Variants in NBPF3 observed in about 807,000 individuals in gnomAD.
NBPF3 encodes the protein NBPF family member NBPF3.
Under a neutral mutation model 78.1 loss-of-function variants are expected in NBPF3, and 57 were observed. The observed-to-expected ratio is 0.73, with a 90% CI of 0.59 to 0.91. NBPF3 has a LOEUF of 0.91. Among genes scored for constraint, NBPF3 ranks in the 40% least tolerant of loss-of-function variants. The pLI, the probability that NBPF3 is intolerant of heterozygous loss-of-function variation, is 0.00. For synonymous variants in NBPF3, 182 were observed against 271.7 expected, an observed-to-expected ratio of 0.67 and a Z score of 3.25; for missense variants, 510 against 715.3, an observed-to-expected ratio of 0.71 and a Z score of 3.27.
chr1:21,441,923 A>G (rs1640676626), intron 1 of NBPF3, among the ~76,000 whole-genome samples: 1 of 152,202 alleles, frequency 6.6e-6, no homozygotes, highest in South Asian at 2.1e-4. Flanking sequence ...ATCCTCGCTG[A>G]TGCCTGTCAG....
At chr1:21,455,476 TA>T (rs1377842511) in intron 2 of NBPF3, among the ~76,000 whole-genome samples, 1 of 152,252 alleles carries the variant, frequency 6.6e-6, no homozygotes, top group Non-Finnish European at 1.5e-5. Flanking sequence ...CATATCAGAC[TA>T]ACCCTGCCTC....
intron 7 of NBPF3, among the ~76,000 whole-genome samples, chr1:21,473,823 G>A (rs1320040738): frequency 6.6e-6 from 1 of 152,222 alleles, no homozygotes. Context: ...CTGAGTGCAG[G>A]AGGTACACAG....
intron 12 of NBPF3, 78 bp from the exon 13 acceptor site, chr1:21,481,519 G>A: frequency 6.8e-7 from 1 of 1,472,248 alleles, no homozygotes; most frequent in Admixed American, 2.2e-5. Context: ...ACTTCCTAAT[G>A]CTACCCATGA....
At chr1:21,456,842 G>A (rs993203967) in intron 2 of NBPF3, among the ~76,000 whole-genome samples, 2 of 152,112 alleles carry the variant, frequency 1.3e-5, no homozygotes. Context: ...TTTCAATTCA[G>A]CATTATACTA....
At chr1:21,464,490 G>T (rs1367011580) in intron 2 of NBPF3, among the ~76,000 whole-genome samples, 1 of 152,040 alleles carries the variant, frequency 6.6e-6, no homozygotes, top group Non-Finnish European at 1.5e-5. Context: ...ATAGGTACAG[G>T]CATGCTTTTT....
At chr1:21,469,081 T>C (rs1275416157) in intron 3 of NBPF3, among the ~76,000 whole-genome samples, 184 bp downstream of exon 3, 1 of 152,152 alleles carries the variant, frequency 6.6e-6, no homozygotes, top group East Asian at 1.9e-4. Context: ...TTAGCAACTT[T>C]CCATGTTTGC....
intron 14 of NBPF3, 39 bp from the exon 15 acceptor site, chr1:21,483,104 T>A (rs758860448): frequency 6.5e-5 from 105 of 1,611,882 alleles, no homozygotes; most frequent in Non-Finnish European, 8.1e-5. Flanking sequence ...GGTGTCTGAT[T>A]TTCCCTGGCT....
chr1:21,469,753 G>A (rs1642482967), intron 3 of NBPF3, among the ~76,000 whole-genome samples: 1 of 152,106 alleles, frequency 6.6e-6, no homozygotes, highest in African/African-American at 2.4e-5. Context: ...CGGTGAGAGG[G>A]AAGTCCTGCT....
upstream of NBPF3, among the ~76,000 whole-genome samples, chr1:21,438,570 T>C (rs988533295): frequency 1.3e-5 from 2 of 152,262 alleles, no homozygotes; most frequent in African/African-American, 4.8e-5. Context: ...TGGAACATGC[T>C]AAGTGCTCAC....
chr1:21,479,129 T>C (rs16831226), intron 9 of NBPF3, among the ~76,000 whole-genome samples: 102 of 152,334 alleles, frequency 6.7e-4, no homozygotes, highest in African/African-American at 2.3e-3. Context: ...ACTGGGAAGA[T>C]CACATTCCAA....
chr1:21,447,275 G>A (rs141597988), intron 2 of NBPF3, among the ~76,000 whole-genome samples: 4 of 152,242 alleles, frequency 2.6e-5, no homozygotes, highest in South Asian at 4.2e-4. Flanking sequence ...ATCCCCTAAA[G>A]TCCATAGTTT....
At chr1:21,456,775 G>A (rs1294409187) in intron 2 of NBPF3, among the ~76,000 whole-genome samples, 1 of 152,094 alleles carries the variant, frequency 6.6e-6, no homozygotes. Flanking sequence ...TAAATGGCAT[G>A]GGATTGAATG....
At position 21,460,659 on chromosome 1, in the gene NBPF3, A is replaced by G. The variant is rs949681328; in HGVS notation, c.134-8029A>G. ...TGAAAGTTAAAATTAGAAACCTTGT[A>G]AAGGAAAAATAGGAACTAATTTCGT... On this transcript the variant is annotated intron_variant, in intron 2 of 14. Coordinates refer to ENST00000318249, the MANE Select transcript of NBPF3 (RefSeq NM_032264.6). The surrounding 1 kb of genome is among the most constrained non-coding windows in gnomAD (Gnocchi z 4.2). Among the ~76,000 whole-genome samples, 4 of 152,248 alleles carry G rather than the reference A, an allele frequency of 2.6e-5. No individual in the cohort carries two copies. Among genetic ancestry groups the G allele is most frequent in the African/African-American group, 9.6e-5 (4 of 41,462 alleles).
At chr1:21,473,224 G>C (rs930202781) in intron 6 of NBPF3, among the ~76,000 whole-genome samples, 156 bp from the exon 7 acceptor site, 6 of 152,344 alleles carry the variant, frequency 3.9e-5, no homozygotes, top group African/African-American at 1.4e-4. Context: ...CTGTTGCAGA[G>C]AGAAGAGGAT....
chr1:21,446,445 A>ATTTCCTTCCTTC (rs1640974478), intron 2 of NBPF3: 3 of 100,242 alleles, frequency 3.0e-5, no homozygotes, highest in Admixed American at 1.1e-4. Context: ...AAATTTGTTC[A>ATTTCCTTCCTTC]TTTCCTTCCT....
intron 2 of NBPF3, among the ~76,000 whole-genome samples, chr1:21,461,544 T>C (rs1480687729): frequency 6.6e-6 from 1 of 152,220 alleles, no homozygotes; most frequent in Middle Eastern, 3.2e-3. Context: ...CGATCTCGGC[T>C]CTGCCTCCCA....
intron 2 of NBPF3, among the ~76,000 whole-genome samples, chr1:21,448,300 G>C (rs995254018): frequency 4.6e-5 from 7 of 152,016 alleles, no homozygotes; most frequent in Non-Finnish European, 7.4e-5. Context: ...ATTTTATAAA[G>C]GGTATAACAT....
At chr1:21,440,578 T>G (rs966374703) in intron 1 of NBPF3, among the ~76,000 whole-genome samples, 5 of 152,244 alleles carry the variant, frequency 3.3e-5, no homozygotes, top group Non-Finnish European at 7.4e-5. Flanking sequence ...AGAAACTCGC[T>G]GGCGGGTGTT....
chr1:21,479,456 G>A, intron 10 of NBPF3, 56 bp downstream of exon 10: 3 of 1,481,242 alleles, frequency 2.0e-6, no homozygotes, highest in Non-Finnish European at 2.8e-6. Context: ...GAGATGCCAA[G>A]TCCGGGGAAA....
Sources: allele counts gnomAD v4.1 joint callset (sites outside exome capture counted in the v4.1 genomes callset), GRCh38; gene constraint gnomAD v4.1.1; non-coding constraint Gnocchi (gnomAD v3.1); transcripts MANE v1.5; gene names NCBI Gene and HGNC (gene_info 2026-07-23, HGNC 2026-07-21).